Variants in DEPDC5 observed in about 807,000 individuals in gnomAD.
DEPDC5 encodes DEP domain containing 5, GATOR1 subcomplex subunit.
A neutral mutation model predicts 217.3 loss-of-function variants in DEPDC5; 73 were observed. The observed-to-expected ratio is 0.34, with a 90% CI of 0.28 to 0.41. The LOEUF (loss-of-function observed/expected upper bound fraction) is 0.41, where lower values mean the gene tolerates loss of function less well. Ranked by LOEUF, DEPDC5 falls within the 10% of genes least tolerant of loss-of-function variation. The probability of loss-of-function intolerance (pLI) is 1.00; values close to 1 mark genes in which losing one functional copy is unlikely to be tolerated. For synonymous variants in DEPDC5, 733 were observed against 756.7 expected (o/e 0.97, Z 0.51); for missense variants, 1,675 against 2,070.1 (o/e 0.81, Z 3.70).
chr22:31,887,488 G>A (rs2093345845), intron 38 of DEPDC5, among the ~76,000 whole-genome samples: 2 of 151,398 alleles, frequency 1.3e-5, no homozygotes, highest in East Asian at 3.9e-4. Flanking sequence ...AAGAAGAGAG[G>A]GTTTATGTCC....
chr22:31,893,965 A>G (rs935671280), intron 39 of DEPDC5: 4 of 472,934 alleles, frequency 8.5e-6, no homozygotes, highest in East Asian at 4.3e-5. Context: ...CCTTAGCAGT[A>G]TTGACATCTG....
At chr22:31,861,606 A>AG (rs559425799) in intron 33 of DEPDC5, among the ~76,000 whole-genome samples, 173 bp downstream of exon 33, 7 of 152,110 alleles carry the variant, frequency 4.6e-5, no homozygotes, top group Non-Finnish European at 2.9e-5. Context: ...GTGGCGGCGA[A>AG]GGGGGGGATG....
chr22:31,838,764 C>T lies in DEPDC5; in HGVS notation c.2434C>T (p.Gln812Ter). ...FICQRLMQGYQIIVQPKTQKP... is the reference protein window; with the variant it reads ...FICQRLMQGY ...TTGCCAACGTCTCATGCAGGGCTAC[C>T]AAATCATAGTGCAGCCCAAGACACA... The change falls in exon 27 of 43, where the codon CAA (glutamine) becomes TAA (stop). Residue 812 changes from glutamine to a stop codon, truncating the protein, a stop_gained. Transcript: ENST00000651528. LOFTEE classifies it high-confidence loss of function. The T allele has an allele frequency of 6.2e-7, 1 of 1,614,102 alleles. No homozygotes were observed.
intron 13 of DEPDC5, 93 bp downstream of exon 13, chr22:31,797,796 C>A: frequency 1.1e-6 from 1 of 951,302 alleles, no homozygotes; most frequent in East Asian, 2.5e-5. Context: ...GTTTCTCTCC[C>A]ATTGCCGTGT....
intron 7 of DEPDC5, among the ~76,000 whole-genome samples, chr22:31,773,587 A>G (rs1569515230): frequency 6.6e-6 from 1 of 152,212 alleles, no homozygotes; most frequent in Non-Finnish European, 1.5e-5. Context: ...TTTCTCCAGA[A>G]GACTTACAGT....
At chr22:31,803,562 C>G (rs1335839461) in intron 15 of DEPDC5, among the ~76,000 whole-genome samples, 1 of 152,048 alleles carries the variant, frequency 6.6e-6, no homozygotes, top group Non-Finnish European at 1.5e-5. Flanking sequence ...TCCAGTCCTT[C>G]CTCCATGATG....
At chr22:31,856,388 C>T (rs2092302907) in intron 31 of DEPDC5, among the ~76,000 whole-genome samples, 1 of 152,126 alleles carries the variant, frequency 6.6e-6, no homozygotes, top group South Asian at 2.1e-4. Flanking sequence ...GGACCTGCCT[C>T]GCACTGTCCA....
intron 34 of DEPDC5, 157 bp from the exon 35 acceptor site, chr22:31,873,098 C>T: frequency 7.0e-7 from 1 of 1,424,520 alleles, no homozygotes; most frequent in African/African-American, 1.4e-5. Flanking sequence ...TATGAGATAA[C>T]CCCCTGATAT....
At chr22:31,885,581 C>A (rs531905720) in intron 38 of DEPDC5, among the ~76,000 whole-genome samples, 1 of 151,512 alleles carries the variant, frequency 6.6e-6, no homozygotes, top group Admixed American at 6.6e-5. Flanking sequence ...AAAAATTAGC[C>A]AGGCATGGTG....
At chr22:31,833,034 A>T (rs1056798419) in intron 24 of DEPDC5, among the ~76,000 whole-genome samples, 20 of 152,180 alleles carry the variant, frequency 1.3e-4, no homozygotes, top group Non-Finnish European at 2.4e-4. Flanking sequence ...TTTAGTGAGC[A>T]TCTTTCCAGT....
At chr22:31,815,767 G>C (rs1020045305) in intron 21 of DEPDC5, 1 of 1,208,772 alleles carries the variant, frequency 8.3e-7, no homozygotes, top group African/African-American at 1.6e-5. Flanking sequence ...CTGGACTCGA[G>C]GGATCCACCC....
intron 20 of DEPDC5, among the ~76,000 whole-genome samples, chr22:31,811,951 A>G (rs1210812353): frequency 6.6e-6 from 1 of 152,030 alleles, no homozygotes; most frequent in South Asian, 2.1e-4. Flanking sequence ...TGTGTATTTC[A>G]TATTTTCTTC....
intron 33 of DEPDC5, among the ~76,000 whole-genome samples, chr22:31,866,288 C>A (rs1231146184): frequency 6.6e-6 from 1 of 151,718 alleles, no homozygotes; most frequent in South Asian, 2.1e-4. Context: ...CCATTTTTTT[C>A]AATTAATGTC....
intron 14 of DEPDC5, among the ~76,000 whole-genome samples, chr22:31,802,124 ATTTTTTTTTTTT>A (rs761007210): frequency 7.9e-6 from 1 of 126,900 alleles, no homozygotes; most frequent in Admixed American, 8.1e-5. Context: ...AACAGCATGA[ATTTTTTTTTTTT>A]TTTTTTTTTT....
At chr22:31,764,779 G>C (rs915295581) in intron 4 of DEPDC5, among the ~76,000 whole-genome samples, 196 bp from the exon 5 acceptor site, 3 of 151,824 alleles carry the variant, frequency 2.0e-5, no homozygotes, top group African/African-American at 7.3e-5. Context: ...TTTGTTGATT[G>C]CTTAGGCTCT....
At chr22:31,901,660 G>A in intron 40 of DEPDC5, 82 bp from the exon 41 acceptor site, 1 of 1,258,582 alleles carries the variant, frequency 7.9e-7, no homozygotes, top group Non-Finnish European at 1.1e-6. Context: ...GCCAAGAGTA[G>A]TAAAGGGTAC....
chr22:31,885,382 A>G (rs1276747738), intron 38 of DEPDC5, among the ~76,000 whole-genome samples: 1 of 152,152 alleles, frequency 6.6e-6, no homozygotes, highest in Non-Finnish European at 1.5e-5. Context: ...CTGTTCCCCA[A>G]AGATACCCTC....
At chr22:31,809,277 C>CA (rs1321734492) in intron 18 of DEPDC5, among the ~76,000 whole-genome samples, 1 of 152,158 alleles carries the variant, frequency 6.6e-6, no homozygotes, top group East Asian at 1.9e-4. Context: ...ACAAACACAA[C>CA]AGTGGATTGA....
chr22:31,822,916 C>CAGTG (rs2089834700), intron 24 of DEPDC5, 126 bp downstream of exon 24: 1 of 938,384 alleles, frequency 1.1e-6, no homozygotes, highest in East Asian at 2.7e-5. Context: ...TTTTGGGTGA[C>CAGTG]CTATTTAGAA....
Sources: gnomAD v4.1 joint callset for allele counts (sites outside exome capture counted in the v4.1 genomes callset) on GRCh38, gnomAD v4.1.1 for gene constraint, MANE v1.5 for transcripts, NCBI Gene and HGNC (gene_info 2026-07-23, HGNC 2026-07-21) for gene names.